AMER2: variants seen among roughly 807,000 people sequenced by gnomAD.
AMER2 encodes the protein family with sequence similarity 123A.
AMER2 carries 1 observed loss-of-function variant against 4.7 expected under a neutral mutation model. The observed-to-expected ratio is 0.21, with a 90% confidence interval of 0.07 to 1.00. The LOEUF (loss-of-function observed/expected upper bound fraction) is 1.00. Among genes scored for constraint, AMER2 ranks in the 50% least tolerant of loss-of-function variants. The pLI, the probability that AMER2 is intolerant of heterozygous loss-of-function variation, is 0.60. For missense variants in AMER2, 988 were observed against 966.9 expected, an observed-to-expected ratio of 1.02 and a Z score of -0.29; for synonymous variants, 485 against 433.3, an observed-to-expected ratio of 1.12 and a Z score of -1.48.
In AMER2 at chr13:25,169,705, T is replaced by C; in HGVS notation, c.1915A>G (p.Ile639Val). The stretch of plus-strand genomic sequence containing the variant: ...CGGACCAGCACTTTGGAAACCGGGA[T>C]TTTTGTTCTGGGCATCTCACTCCTG... Reference protein sequence around the residue: ...PSRSEMPRTKIPVSKVLVRRV... With the variant: ...PSRSEMPRTKVPVSKVLVRRV... Residue 639 changes from isoleucine to valine, a missense_variant, in exon 1 of 1, where the codon ATC (isoleucine) becomes GTC (valine). Physicochemically the swap from Ile to Val is conservative, Grantham distance 29. Coordinates refer to ENST00000515384, the MANE Select transcript of AMER2 (RefSeq NM_152704.4). The surrounding 1 kb of genome is among the most constrained non-coding windows in gnomAD (Gnocchi z 4.2). The C allele has an allele frequency of 1.2e-6, 2 of 1,614,150 alleles. No individual in the cohort carries two copies. The highest frequency in any genetic ancestry group is 1.1e-5 in the South Asian group (1 of 91,076).
chr13:25,166,174 A>T lies in AMER2; in HGVS notation c.*3430T>A, dbSNP rs1956476701. On this transcript the variant is annotated 3_prime_UTR_variant, in exon 1 of 1. Coordinates refer to ENST00000515384, the MANE Select transcript of AMER2 (RefSeq NM_152704.4). ...ACACGGTGAGTTATTACCTTCATAG[A>T]TATTAAACCCTTTGTATTTAAATAA... 1 of 152,236 alleles carries T rather than the reference A, an allele frequency of 6.6e-6. No individual in the cohort carries two copies. Among genetic ancestry groups the T allele is most frequent in the African/African-American group, 2.4e-5 (1 of 41,468 alleles). The allele number at this position is 152,236 out of a possible 1,614,324, so 9.4% of individuals were successfully genotyped here.
rs745945541 is a variant in AMER2, at chr13:25,170,056, C to T, written c.1564G>A (p.Glu522Lys). ...EQQEGVPNSD[E>K]GYWDSTTPGP... ...GGCGTGGTGGAGTCCCAGTAGCCCTCGTCGCTGTTGGGGACGCCTTCCTGC... is the reference window on the plus strand; with the variant it reads ...GGCGTGGTGGAGTCCCAGTAGCCCTTGTCGCTGTTGGGGACGCCTTCCTGC... The change falls in exon 1 of 1, where the codon GAG becomes AAG. Residue 522 changes from glutamate to lysine, a missense_variant. Coordinates refer to ENST00000515384, the MANE Select transcript of AMER2 (RefSeq NM_152704.4). The surrounding 1 kb of genome is among the most constrained non-coding windows in gnomAD (Gnocchi z 7.3). The T allele has an allele frequency of 1.9e-6, 3 of 1,613,920 alleles. No individual in the cohort carries two copies. The highest frequency in any genetic ancestry group is 2.2e-5 in the East Asian group (1 of 44,872).
chr13:25,169,169 G>A lies in AMER2; in HGVS notation c.*435C>T, dbSNP rs2137440748. 6.5e-6 allele frequency: 1 copy of A among 154,362 alleles called. No homozygotes were observed. The highest frequency in any genetic ancestry group is 1.9e-4 in the East Asian group (1 of 5,214). 9.6% of individuals were successfully genotyped at this position (154,362 alleles called of 1,614,324 possible). On this transcript the variant is annotated 3_prime_UTR_variant, in exon 1 of 1. Coordinates refer to ENST00000515384, the MANE Select transcript of AMER2 (RefSeq NM_152704.4). This position sits in a 1 kb window ranked among gnomAD's most constrained non-coding sequence, Gnocchi z 4.2. ...AAGGAAGGAAACGTGTCTTGGAAGA[G>A]GAGATCTCCTCTGGTTCTTCAGCGG...
rs191348851 is a variant in AMER2 at position 25,168,836 on chromosome 13, G to C, written c.*768C>G. ...CCTGATCCTGATTTCTGCACTGGGTGGGGGAAGAAACAAACAAAAGCAAAA... is the reference window on the plus strand; with the variant it reads ...CCTGATCCTGATTTCTGCACTGGGTCGGGGAAGAAACAAACAAAAGCAAAA... On this transcript the variant is annotated 3_prime_UTR_variant, in exon 1 of 1. Transcript: ENST00000515384. 95 of 152,742 alleles carry C rather than the reference G, an allele frequency of 6.2e-4. No homozygotes were observed. Among genetic ancestry groups the C allele is most frequent in the Admixed American group, 2.9e-3 (44 of 15,302 alleles). The allele number at this position is 152,742 out of a possible 1,614,324, so 9.5% of individuals were successfully genotyped here. A position where few individuals can be genotyped will look rare whatever the true frequency, so the allele number is the denominator to read the frequency against.
At position 25,171,815 on chromosome 13, in the gene AMER2, T is replaced by C. The variant is rs1297640698; in HGVS notation, c.-196A>G. 1.9e-5 allele frequency: 23 copies of C among 1,181,092 alleles called. No homozygotes were observed. The highest frequency in any genetic ancestry group is 2.5e-5 in the Non-Finnish European group (23 of 924,182). The allele number at this position is 1,181,092 out of a possible 1,614,324, so 73.2% of individuals were successfully genotyped here. ...CCATCCGACTTGGCTCGGCGCTGCA[T>C]GGCGTTTTTGTGGCAGGAGCAGGCA... On this transcript the variant is annotated 5_prime_UTR_variant, in exon 1 of 1. The change abolishes an upstream ATG in the 5' untranslated region. Transcript: ENST00000515384. This position sits in a 1 kb window ranked among gnomAD's most constrained non-coding sequence, Gnocchi z 5.9.
At position 25,168,118 on chromosome 13, in the gene AMER2, C is replaced by T. The variant is rs1157601456; in HGVS notation, c.*1486G>A. The stretch of plus-strand genomic sequence containing the variant: ...TTCATCATTAGACACTAATAGCATT[C>T]TAGGAACTGCTTCAGTTTATCATTC... On this transcript the variant is annotated 3_prime_UTR_variant, in exon 1 of 1. Transcript: ENST00000515384. The T allele has an allele frequency of 6.6e-6, 1 of 152,150 alleles. No homozygotes were observed. Among genetic ancestry groups the T allele is most frequent in the Non-Finnish European group, 1.5e-5 (1 of 68,018 alleles). The allele number at this position is 152,150 out of a possible 1,614,324, so 9.4% of individuals were successfully genotyped here. A position where few individuals can be genotyped will look rare whatever the true frequency, so the allele number is the denominator to read the frequency against.
chr13:25,170,028 C>T lies in AMER2; in HGVS notation c.1592G>A (p.Gly531Asp), dbSNP rs1255595361. The change falls in exon 1 of 1, where the codon GGC (glycine) becomes GAC (aspartate). Residue 531 changes from glycine to aspartate, a missense_variant. Transcript: ENST00000515384. The surrounding 1 kb of genome is among the most constrained non-coding windows in gnomAD (Gnocchi z 7.3). ...GCTGCTCGAGCTGTCTTCCTCTGGG[C>T]CTGGCGTGGTGGAGTCCCAGTAGCC... ...DEGYWDSTTP[G>D]PEEDSSSSGK... The T allele has an allele frequency of 1.2e-6, 2 of 1,613,648 alleles. No individual in the cohort carries two copies.
Position 25,171,225 on chromosome 13 carries a change from C to A in AMER2, c.395G>T (p.Gly132Val). The change falls in exon 1 of 1, where the codon GGC becomes GTC. Residue 132 changes from glycine (G) to valine (V), a missense_variant. Transcript: ENST00000515384. This position sits in a 1 kb window ranked among gnomAD's most constrained non-coding sequence, Gnocchi z 5.9. ...CCCCGGGTTCGGCCGCCCCCCGCCGCCCCCGCCGCTGTCGCCCCCGCCGCG... is the reference window on the plus strand; with the variant it reads ...CCCCGGGTTCGGCCGCCCCCCGCCGACCCCGCCGCTGTCGCCCCCGCCGCG... Reference protein sequence around the residue: ...EPRGGGDSGGGGGGRPNPGPP... With the variant: ...EPRGGGDSGGVGGGRPNPGPP... The A allele has an allele frequency of 7.3e-7, 1 of 1,379,194 alleles. No individual in the cohort carries two copies. The allele number at this position is 1,379,194 out of a possible 1,614,324, so 85.4% of individuals were successfully genotyped here.
chr13:25,171,767 T>C lies in AMER2; in HGVS notation c.-148A>G. ...AGACCATCTTCCCTCCCGCAAGGGC[T>C]TATATAATACCCTAACCCACTTCCA... On this transcript the variant is annotated 5_prime_UTR_variant, in exon 1 of 1. Transcript: ENST00000515384. The surrounding 1 kb of genome is among the most constrained non-coding windows in gnomAD (Gnocchi z 5.9). 1 of 1,388,412 alleles carries C rather than the reference T, an allele frequency of 7.2e-7. No homozygotes were observed. The highest frequency in any genetic ancestry group is 9.3e-7 in the Non-Finnish European group (1 of 1,078,536). The allele number at this position is 1,388,412 out of a possible 1,614,324, so 86.0% of individuals were successfully genotyped here.
In AMER2 at chr13:25,171,568, C is replaced by A. The variant is rs777321292; in HGVS notation, c.52G>T (p.Gly18Ter). Residue 18 changes from glycine to a stop codon, truncating the protein, a stop_gained, in exon 1 of 1, where the codon GGA (glycine) becomes TGA (stop). Transcript: ENST00000515384. LOFTEE classifies it low-confidence loss of function (END_TRUNC). This position sits in a 1 kb window ranked among gnomAD's most constrained non-coding sequence, Gnocchi z 5.9. ...GGGGAVSERGGAGASVGVCRR... is the reference protein window; with the variant it reads ...GGGGAVSERG ...CAGACCCCCACGGACGCGCCAGCTC[C>A]GCCGCGCTCGCTGACAGCCCCGCCG... 2 of 1,544,352 alleles carry A rather than the reference C, an allele frequency of 1.3e-6. No individual in the cohort carries two copies. The highest frequency in any genetic ancestry group is 3.9e-5 in the Admixed American group (2 of 50,702).
chr13:25,162,886 G>A lies in AMER2; in HGVS notation c.*6718C>T, dbSNP rs1165575480. 1 of 152,246 alleles carries A rather than the reference G, an allele frequency of 6.6e-6. No homozygotes were observed. The highest frequency in any genetic ancestry group is 2.4e-5 in the African/African-American group (1 of 41,552). 9.4% of individuals were successfully genotyped at this position (152,246 alleles called of 1,614,324 possible). A position where few individuals can be genotyped will look rare whatever the true frequency, so the allele number is the denominator to read the frequency against. Reference sequence around the variant, plus strand: ...GAGTAAAGATAACAATGTAAAAAAAGCACACAGCATCCTCTCTGGCAACAT... The same window carrying A: ...GAGTAAAGATAACAATGTAAAAAAAACACACAGCATCCTCTCTGGCAACAT... On this transcript the variant is annotated 3_prime_UTR_variant, in exon 1 of 1. Transcript: ENST00000515384.
chr13:25,162,212 C>T lies in AMER2; in HGVS notation c.*7392G>A, dbSNP rs1455311470. 4 of 152,112 alleles carry T rather than the reference C, an allele frequency of 2.6e-5. No homozygotes were observed. Among genetic ancestry groups the T allele is most frequent in the Non-Finnish European group, 5.9e-5 (4 of 68,028 alleles). The allele number at this position is 152,112 out of a possible 1,614,324, so 9.4% of individuals were successfully genotyped here. A position where few individuals can be genotyped will look rare whatever the true frequency, so the allele number is the denominator to read the frequency against. On this transcript the variant is annotated 3_prime_UTR_variant, in exon 1 of 1. Coordinates refer to ENST00000515384, the MANE Select transcript of AMER2 (RefSeq NM_152704.4). ...AGCTAATTATGGAAATGGAGTTTCT[C>T]GTTTGGGTTATTTTTGTTACTATTT...
In AMER2 at chr13:25,170,421, A is replaced by T; in HGVS notation, c.1199T>A (p.Val400Asp). ...EEAGPSCDKH[V>D]PGPGKPALSK... ...CAGAGCCGGCTTGCCTGGCCCGGGG[A>T]CATGCTTGTCACAGCTGGGACCTGC... The change falls in exon 1 of 1, where the codon GTC becomes GAC. Residue 400 changes from valine (V) to aspartate (D), a missense_variant. Val to Asp is a radical substitution (Grantham distance 152, BLOSUM62 -3). Transcript: ENST00000515384. This position sits in a 1 kb window ranked among gnomAD's most constrained non-coding sequence, Gnocchi z 7.3. 6.2e-7 allele frequency: 1 copy of T among 1,614,062 alleles called. No homozygotes were observed.
rs1403369377 is a variant in AMER2 at position 25,170,447 on chromosome 13, C to G, written c.1173G>C (p.Glu391Asp). Residue 391 changes from glutamate to aspartate, a missense_variant, in exon 1 of 1, where the codon GAG becomes GAC. By Grantham distance (45) the Glu-to-Asp change is conservative. Coordinates refer to ENST00000515384, the MANE Select transcript of AMER2 (RefSeq NM_152704.4). This position sits in a 1 kb window ranked among gnomAD's most constrained non-coding sequence, Gnocchi z 7.3. ...CGDIIADQEE[E>D]AGPSCDKHVP... Reference sequence around the variant, plus strand: ...CATGCTTGTCACAGCTGGGACCTGCCTCTTCCTCTTGGTCTGCAATAATAT... The same window carrying G: ...CATGCTTGTCACAGCTGGGACCTGCGTCTTCCTCTTGGTCTGCAATAATAT... The G allele has an allele frequency of 1.2e-6, 2 of 1,614,226 alleles. No individual in the cohort carries two copies. Among genetic ancestry groups the G allele is most frequent in the South Asian group, 2.2e-5 (2 of 91,084 alleles).
In AMER2 at chr13:25,169,534, T is replaced by C; in HGVS notation, c.*70A>G. The C allele has an allele frequency of 2.0e-6, 3 of 1,509,348 alleles. No individual in the cohort carries two copies. Among genetic ancestry groups the C allele is most frequent in the Non-Finnish European group, 2.7e-6 (3 of 1,132,040 alleles). The allele number at this position is 1,509,348 out of a possible 1,614,324, so 93.5% of individuals were successfully genotyped here. A position where few individuals can be genotyped will look rare whatever the true frequency, so the allele number is the denominator to read the frequency against. ...GACTTTCTTTAGGAAAAGCAAAACT[T>C]ACTTTAGTGGTTTCCAGGGAAAAGT... On this transcript the variant is annotated 3_prime_UTR_variant, in exon 1 of 1. Coordinates refer to ENST00000515384, the MANE Select transcript of AMER2 (RefSeq NM_152704.4). The surrounding 1 kb of genome is among the most constrained non-coding windows in gnomAD (Gnocchi z 4.2).
chr13:25,170,679 C>A lies in AMER2; in HGVS notation c.941G>T (p.Arg314Leu), dbSNP rs1425335065. The change falls in exon 1 of 1, where the codon CGC becomes CTC. Residue 314 changes from arginine (R) to leucine (L), a missense_variant. By Grantham distance (102) the Arg-to-Leu change is moderately radical. Transcript: ENST00000515384. The surrounding 1 kb of genome is among the most constrained non-coding windows in gnomAD (Gnocchi z 7.3). ...CGTCCTGGAAGCGTCCTCTGCCGTGCGGACCTCCCCGGGCCCCGGCTCGGC... is the reference window on the plus strand; with the variant it reads ...CGTCCTGGAAGCGTCCTCTGCCGTGAGGACCTCCCCGGGCCCCGGCTCGGC... ...RRAEPGPGEV[R>L]TAEDASRTGA... 6.5e-7 allele frequency: 1 copy of A among 1,533,812 alleles called. No homozygotes were observed. The highest frequency in any genetic ancestry group is 8.8e-7 in the Non-Finnish European group (1 of 1,141,424).
rs1315564070 is a variant in AMER2, at chr13:25,170,719, C to T, written c.901G>A (p.Ala301Thr). Residue 301 changes from alanine to threonine, a missense_variant, in exon 1 of 1, where the codon GCG (alanine) becomes ACG (threonine). Transcript: ENST00000515384. The surrounding 1 kb of genome is among the most constrained non-coding windows in gnomAD (Gnocchi z 7.3). ...GDTGARGEDA[A>T]GHRRAEPGPG... ...CCCGGCTCGGCGCGCCGATGCCCCG[C>T]GGCGTCCTCTCCCCGGGCGCCGGTG... 1 of 1,466,862 alleles carries T rather than the reference C, an allele frequency of 6.8e-7. No individual in the cohort carries two copies. The allele number at this position is 1,466,862 out of a possible 1,614,324, so 90.9% of individuals were successfully genotyped here.
chr13:25,169,757 G>T lies in AMER2; in HGVS notation c.1863C>A (p.Ser621Arg), dbSNP rs777472844. Residue 621 changes from serine to arginine, a missense_variant, in exon 1 of 1, where the codon AGC becomes AGA. Coordinates refer to ENST00000515384, the MANE Select transcript of AMER2 (RefSeq NM_152704.4). The surrounding 1 kb of genome is among the most constrained non-coding windows in gnomAD (Gnocchi z 4.2). ...SIKHLTNLPS[S>R]HPVVHQQPSR... ...AGGGTTGCTGGTGCACCACGGGATG[G>T]CTAGATGGAAGGTTGGTCAGGTGCT... 4 of 1,614,056 alleles carry T rather than the reference G, an allele frequency of 2.5e-6. No individual in the cohort carries two copies. Among genetic ancestry groups the T allele is most frequent in the Non-Finnish European group, 1.7e-6 (2 of 1,180,040 alleles).
In AMER2 at chr13:25,169,964, C is replaced by G. The variant is rs1956532329; in HGVS notation, c.1656G>C (p.Gly552=). ...CAGCATAGAGATCATAGAGCGCGTC[C>G]CCGCTGTAGCTATCCCGGGGGATGC... ...KAGIPRDSYS[G]DALYDLYADP... The change falls in exon 1 of 1, where the codon GGG becomes GGC. Residue 552 remains glycine (G), a synonymous_variant. Coordinates refer to ENST00000515384, the MANE Select transcript of AMER2 (RefSeq NM_152704.4). The surrounding 1 kb of genome is among the most constrained non-coding windows in gnomAD (Gnocchi z 4.2). 1.2e-6 allele frequency: 2 copies of G among 1,614,114 alleles called. No individual in the cohort carries two copies. The highest frequency in any genetic ancestry group is 1.3e-5 in the African/African-American group (1 of 75,046).
Sources: gnomAD v4.1 joint callset for allele counts on GRCh38, gnomAD v4.1.1 for gene constraint, Gnocchi (gnomAD v3.1) non-coding constraint, MANE v1.5 for transcripts, NCBI Gene and HGNC (gene_info 2026-07-23, HGNC 2026-07-21) for gene names.